EPB41L3: variants seen among roughly 807,000 people sequenced by gnomAD.
EPB41L3 encodes the protein erythrocyte membrane protein band 4.1 like 3.
EPB41L3 carries 57 observed loss-of-function variants against 127.1 expected under a neutral mutation model. The observed-to-expected ratio is 0.45, with a 90% CI of 0.36 to 0.56. The LOEUF (loss-of-function observed/expected upper bound fraction) is 0.56, where lower values mean the gene tolerates loss of function less well. Among genes scored for constraint, EPB41L3 ranks in the 20% least tolerant of loss-of-function variants. The probability of loss-of-function intolerance (pLI) is 0.00; values close to 1 mark genes in which losing one functional copy is unlikely to be tolerated. For synonymous variants in EPB41L3, 572 were observed against 549.5 expected (o/e 1.04, Z -0.57); for missense variants, 1,273 against 1,372.2 (o/e 0.93, Z 1.14).
chr18:5,452,391 T>C (rs2082401786), intron 3 of EPB41L3, among the ~76,000 whole-genome samples: 1 of 151,524 alleles, frequency 6.6e-6, no homozygotes, highest in Non-Finnish European at 1.5e-5. Context: ...TTTTTTTTTT[T>C]AGAGGCAGGG....
chr18:5,395,689 G>C lies in EPB41L3; in HGVS notation c.2992C>G (p.Leu998Val), dbSNP rs1276972401. The change falls in exon 20 of 23, where the codon CTG becomes GTG. Residue 998 changes from leucine to valine, a missense_variant. Physicochemically the swap from Leu to Val is conservative, Grantham distance 32. Transcript: ENST00000341928. Reference sequence around the variant, plus strand: ...GCACTCATCAGCACGCCTGGCTCCAGATCTGTGCCTGGATCGACCTAAAGC... The same window carrying C: ...GCACTCATCAGCACGCCTGGCTCCACATCTGTGCCTGGATCGACCTAAAGC... ...ESSQVDPGTD[L>V]EPGVLMSAQT... The C allele has an allele frequency of 2.5e-6, 4 of 1,614,178 alleles. No individual in the cohort carries two copies. The South Asian group carries it at 3.3e-5, about 13-fold the overall frequency.
chr18:5,559,868 A>C (rs2094098753), intron 3 of EPB41L3, among the ~76,000 whole-genome samples: 1 of 152,214 alleles, frequency 6.6e-6, no homozygotes, highest in Non-Finnish European at 1.5e-5. Context: ...TAGTAGGACT[A>C]GAAAAAAGTT....
chr18:5,561,053 C>T (rs954809112), intron 3 of EPB41L3, among the ~76,000 whole-genome samples: 3 of 147,372 alleles, frequency 2.0e-5, no homozygotes, highest in Non-Finnish European at 4.5e-5. Flanking sequence ...TCGCGGCTCA[C>T]TGCAAGCTCC....
intron 10 of EPB41L3, 100 bp downstream of exon 10, chr18:5,424,162 G>T: frequency 3.8e-6 from 3 of 791,110 alleles, no homozygotes; most frequent in Non-Finnish European, 5.7e-6. Flanking sequence ...AACTTGAAGG[G>T]ATAGAAAGAA....
At chr18:5,432,487 AC>A (rs781416239) in intron 8 of EPB41L3, among the ~76,000 whole-genome samples, 29 of 152,284 alleles carry the variant, frequency 1.9e-4, no homozygotes, top group Non-Finnish European at 2.9e-4. Flanking sequence ...CTTAACATTG[AC>A]CTTTTTAACA....
At chr18:5,448,238 T>C (rs2081805052) in intron 3 of EPB41L3, among the ~76,000 whole-genome samples, 1 of 152,216 alleles carries the variant, frequency 6.6e-6, no homozygotes, top group Non-Finnish European at 1.5e-5. Flanking sequence ...AGCATCCTTC[T>C]ACACGTCATG....
In EPB41L3 at chr18:5,410,254, G is replaced by A. The variant is rs539172314; in HGVS notation, c.2121+312C>T. Among the ~76,000 whole-genome samples, 13 of 151,472 alleles carry A rather than the reference G, an allele frequency of 8.6e-5. 1 individual carries two copies. Among genetic ancestry groups the A allele is most frequent in the African/African-American group, 2.9e-4 (12 of 41,262 alleles). On this transcript the variant is annotated intron_variant, in intron 14 of 22. Coordinates refer to ENST00000341928, the MANE Select transcript of EPB41L3 (RefSeq NM_012307.5). The stretch of plus-strand genomic sequence containing the variant: ...AAATGTATTATCAGTCTAGGCAAGT[G>A]GTTCTCAAAATATGTCCTAAGATGT...
intron 8 of EPB41L3, among the ~76,000 whole-genome samples, chr18:5,432,738 C>A (rs548092471): frequency 2.0e-5 from 3 of 152,274 alleles, no homozygotes; most frequent in East Asian, 3.9e-4. Context: ...CCTACAGTCT[C>A]AACCCAAATT....
At chr18:5,422,368 C>T (rs1433743088) in intron 11 of EPB41L3, among the ~76,000 whole-genome samples, 1 of 152,170 alleles carries the variant, frequency 6.6e-6, no homozygotes, top group African/African-American at 2.4e-5. Flanking sequence ...ATCAATCACC[C>T]GGCTAGTGAA....
intron 1 of EPB41L3, among the ~76,000 whole-genome samples, chr18:5,625,020 G>C (rs1176588746): frequency 1.3e-5 from 2 of 152,082 alleles, no homozygotes. Flanking sequence ...AAACCTAAAG[G>C]CATGCATAGG....
At chr18:5,400,318 C>G in intron 16 of EPB41L3, 2 of 318,802 alleles carry the variant, frequency 6.3e-6, no homozygotes, top group South Asian at 5.1e-5. Context: ...GAAGAGATAT[C>G]AAACCAGGAG....
intron 1 of EPB41L3, chr18:5,539,618 C>T (rs2093667267): frequency 6.6e-6 from 1 of 152,198 alleles, no homozygotes; most frequent in Non-Finnish European, 1.5e-5. Context: ...ATAATACACT[C>T]ACATGAAAAA....
At position 5,406,906 on chromosome 18, in the gene EPB41L3, TC is replaced by T; in HGVS notation, c.2219del (p.Arg740LysfsTer4). On this transcript the variant is annotated frameshift_variant, in exon 16 of 23. Transcript: ENST00000341928. LOFTEE classifies it high-confidence loss of function. Reference protein sequence around the residue: ...KHQTNISELKRTFLETSTDTA... With the variant: ...KHQTNISELKXTFLETSTDTA... ...TGTCTGTTGAGGTTTCTAAGAAGGT[TC>T]TTTTCAGCTCGCTAATGTTGGTTTG... 1 of 1,614,216 alleles carries T rather than the reference TC, an allele frequency of 6.2e-7. No homozygotes were observed.
chr18:5,620,498 G>A (rs1005211021), intron 1 of EPB41L3, among the ~76,000 whole-genome samples: 12 of 152,162 alleles, frequency 7.9e-5, no homozygotes, highest in Admixed American at 3.9e-4. Context: ...ATTACTCACT[G>A]TTGCATTACC....
chr18:5,501,356 A>C (rs1032426075), intron 1 of EPB41L3, among the ~76,000 whole-genome samples: 4 of 152,192 alleles, frequency 2.6e-5, no homozygotes, highest in Admixed American at 1.3e-4. Flanking sequence ...CAAGTCTACA[A>C]ATGATATCTT....
chr18:5,540,731 A>G (rs1433816117), intron 1 of EPB41L3, among the ~76,000 whole-genome samples: 7 of 152,272 alleles, frequency 4.6e-5, no homozygotes, highest in Admixed American at 3.3e-4. Context: ...TTCACGGAAA[A>G]CTGATGGGGT....
At chr18:5,500,494 G>C (rs1362230717) in intron 1 of EPB41L3, among the ~76,000 whole-genome samples, 1 of 152,110 alleles carries the variant, frequency 6.6e-6, no homozygotes, top group Non-Finnish European at 1.5e-5. Context: ...TTAAAAATAG[G>C]GAAAAGGTTA....
intron 3 of EPB41L3, among the ~76,000 whole-genome samples, chr18:5,582,834 T>C (rs916694699): frequency 6.6e-6 from 1 of 152,222 alleles, no homozygotes; most frequent in African/African-American, 2.4e-5. Context: ...ACAGGGGCTG[T>C]CACATAGTGT....
chr18:5,545,873 C>CTGTGTG (rs36213569), upstream of EPB41L3, among the ~76,000 whole-genome samples: 436 of 146,966 alleles, frequency 3.0e-3, 2 homozygotes, highest in African/African-American at 4.1e-3. Flanking sequence ...CTGTATGACT[C>CTGTGTG]TGTGTGTGTG....
Sources: allele counts gnomAD v4.1 joint callset (sites outside exome capture counted in the v4.1 genomes callset), GRCh38; gene constraint gnomAD v4.1.1; transcripts MANE v1.5; gene names NCBI Gene and HGNC (gene_info 2026-07-23, HGNC 2026-07-21).